The following SAMD13 variants were observed in gnomAD, a reference collection of about 807,000 sequenced individuals.
SAMD13 encodes the protein sterile alpha motif domain-containing protein 13.
Under a neutral mutation model 12.4 loss-of-function variants are expected in SAMD13, and 9 were observed. The observed-to-expected ratio is 0.72, with a 90% CI of 0.44 to 1.26. The LOEUF is 1.26. SAMD13 is among the 50% of genes most tolerant of loss of function. The pLI, the probability that SAMD13 is intolerant of heterozygous loss-of-function variation, is 0.00. For missense variants in SAMD13, 84 were observed against 119.6 expected, an observed-to-expected ratio of 0.70 and a Z score of 1.39; for synonymous variants, 46 against 45.4, an observed-to-expected ratio of 1.01 and a Z score of -0.05.
chr1:84,307,931 C>G (rs950279792), intron 2 of SAMD13, among the ~76,000 whole-genome samples: 2 of 152,164 alleles, frequency 1.3e-5, no homozygotes, highest in Non-Finnish European at 2.9e-5. Context: ...TCCCCTGCCT[C>G]AGGTAGTTTC....
chr1:84,347,330 G>A (rs915061300), intron 3 of SAMD13, among the ~76,000 whole-genome samples: 5 of 152,088 alleles, frequency 3.3e-5, no homozygotes, highest in Non-Finnish European at 7.4e-5. Context: ...ACCAACCCTG[G>A]TCTGAGGTGA....
intron 3 of SAMD13, among the ~76,000 whole-genome samples, chr1:84,343,780 G>T (rs1435093429): frequency 6.6e-6 from 1 of 152,080 alleles, no homozygotes; most frequent in Non-Finnish European, 1.5e-5. Flanking sequence ...GTGATAGGTT[G>T]ATAGTGCAAC....
intron 3 of SAMD13, among the ~76,000 whole-genome samples, chr1:84,348,531 C>T (rs1679582056): frequency 6.6e-6 from 1 of 152,150 alleles, no homozygotes; most frequent in Admixed American, 6.5e-5. Context: ...CTCTTGAATC[C>T]AAGTCACCTA....
At chr1:84,301,956 T>C (rs2101783422) in intron 1 of SAMD13, 155 bp downstream of exon 1, 2 of 168,994 alleles carry the variant, frequency 1.2e-5, no homozygotes, top group Middle Eastern at 3.0e-3. Context: ...CCAACTGAAG[T>C]GAAATCATAT....
intron 3 of SAMD13, among the ~76,000 whole-genome samples, chr1:84,342,934 A>G (rs1295471304): frequency 6.6e-6 from 1 of 152,010 alleles, no homozygotes; most frequent in Non-Finnish European, 1.5e-5. Flanking sequence ...ATAGCGTGGG[A>G]GAAAAATTTT....
At chr1:84,323,054 G>C (rs1359427390) in intron 2 of SAMD13, among the ~76,000 whole-genome samples, 1 of 152,130 alleles carries the variant, frequency 6.6e-6, no homozygotes, top group Admixed American at 6.6e-5. Context: ...CAACCACAGG[G>C]AGATTGAATT....
intron 3 of SAMD13, among the ~76,000 whole-genome samples, chr1:84,334,939 A>T (rs1018516973): frequency 3.3e-5 from 5 of 151,634 alleles, no homozygotes; most frequent in Non-Finnish European, 7.4e-5. Flanking sequence ...CCTTTTTTTT[A>T]ATTTTCTGAG....
chr1:84,349,789 G>A lies in SAMD13; in HGVS notation c.*15G>A. On this transcript the variant is annotated 3_prime_UTR_variant, in exon 4 of 4. Coordinates refer to ENST00000394834, the MANE Select transcript of SAMD13 (RefSeq NM_001134663.2). Reference sequence around the variant, plus strand: ...ACTCTTCATAGTACAGTCAAATTGGGGTCTTCGACCTCAAAAAATACATAA... The same window carrying A: ...ACTCTTCATAGTACAGTCAAATTGGAGTCTTCGACCTCAAAAAATACATAA... The A allele has an allele frequency of 1.3e-6, 2 of 1,587,076 alleles. No homozygotes were observed. Among genetic ancestry groups the A allele is most frequent in the Non-Finnish European group, 1.7e-6 (2 of 1,167,092 alleles).
intron 3 of SAMD13, among the ~76,000 whole-genome samples, chr1:84,336,101 GGT>G (rs1679282781): frequency 6.6e-6 from 1 of 152,210 alleles, no homozygotes. Flanking sequence ...TCTCTAGCAA[GGT>G]TGGGGAAACT....
At chr1:84,299,506 C>A (rs756314205), upstream of SAMD13, 632 of 872,330 alleles carry the variant, frequency 7.2e-4, no homozygotes, top group Non-Finnish European at 9.2e-4. Flanking sequence ...ACACACACAC[C>A]CCCACATACG....
chr1:84,322,879 T>C (rs1346801587), intron 2 of SAMD13, among the ~76,000 whole-genome samples: 2 of 152,202 alleles, frequency 1.3e-5, no homozygotes, highest in African/African-American at 4.8e-5. Flanking sequence ...TGATGTTATA[T>C]CCCACTAGAA....
chr1:84,305,688 T>C (rs1421213395), intron 2 of SAMD13, among the ~76,000 whole-genome samples: 1 of 152,162 alleles, frequency 6.6e-6, no homozygotes, highest in Admixed American at 6.5e-5. Context: ...TAGTGTGAGA[T>C]AAGGGTTTGA....
chr1:84,315,157 T>C lies in SAMD13; in HGVS notation c.54-10480T>C, dbSNP rs1678806665. ...TTAAGTGTACGATACAGTATTATTATCTGTAGGCACAATGTTGTACAGCAT... is the reference window on the plus strand; with the variant it reads ...TTAAGTGTACGATACAGTATTATTACCTGTAGGCACAATGTTGTACAGCAT... On this transcript the variant is annotated intron_variant, in intron 2 of 3. Coordinates refer to ENST00000394834, the MANE Select transcript of SAMD13 (RefSeq NM_001134663.2). 2.0e-5 allele frequency among the ~76,000 whole-genome samples: 3 copies of C among 152,278 alleles called. No homozygotes were observed. The South Asian group carries it at 6.2e-4, about 32-fold the overall frequency.
At chr1:84,303,333 G>A (rs756415241) in intron 2 of SAMD13, 46 bp downstream of exon 2, 1 of 1,473,986 alleles carries the variant, frequency 6.8e-7, no homozygotes, top group Non-Finnish European at 9.5e-7. Flanking sequence ...AACAACAGAG[G>A]GACTTAGTTT....
chr1:84,331,380 G>A (rs1679182423), intron 3 of SAMD13, among the ~76,000 whole-genome samples: 1 of 133,074 alleles, frequency 7.5e-6, no homozygotes, highest in South Asian at 2.5e-4. Flanking sequence ...AACTTGTTAA[G>A]GTGAAACTTA....
At chr1:84,313,471 AT>A (rs35631685) in intron 2 of SAMD13, among the ~76,000 whole-genome samples, 4 of 151,962 alleles carry the variant, frequency 2.6e-5, no homozygotes, top group Admixed American at 6.6e-5. Context: ...TGAGAATTCA[AT>A]TTTTTTTCCC....
At chr1:84,338,727 C>T (rs1054439988) in intron 3 of SAMD13, among the ~76,000 whole-genome samples, 15 of 152,078 alleles carry the variant, frequency 9.9e-5, no homozygotes, top group Non-Finnish European at 1.6e-4. Context: ...CATGAGTCAC[C>T]GTGCCCGGCT....
upstream of SAMD13, chr1:84,301,697 C>T (rs185824685): frequency 5.5e-5 from 54 of 985,224 alleles, no homozygotes; most frequent in African/African-American, 8.0e-4. Flanking sequence ...ATTGTACCTC[C>T]TTATTGAATT....
intron 3 of SAMD13, among the ~76,000 whole-genome samples, chr1:84,338,800 A>G (rs953630635): frequency 6.6e-6 from 1 of 152,068 alleles, no homozygotes. Flanking sequence ...TGAGAACAGC[A>G]TGGGAAAGAC....
Sources: gnomAD v4.1 joint callset for allele counts (sites outside exome capture counted in the v4.1 genomes callset) on GRCh38, gnomAD v4.1.1 for gene constraint, MANE v1.5 for transcripts, NCBI Gene and HGNC (gene_info 2026-07-23, HGNC 2026-07-21) for gene names.